Variants in SLC24A2 observed in about 807,000 individuals in gnomAD.
SLC24A2 encodes the protein sodium/potassium/calcium exchanger 2.
In SLC24A2, 36 loss-of-function variants were observed where a neutral mutation model predicts 62.0. The observed-to-expected ratio is 0.58, with a 90% CI of 0.44 to 0.77. The LOEUF (loss-of-function observed/expected upper bound fraction) is 0.77. SLC24A2 is among the 30% of genes least tolerant of loss of function. The pLI is 0.00. For missense variants in SLC24A2, 846 were observed against 817.9 expected, an observed-to-expected ratio of 1.03 and a Z score of -0.42; for synonymous variants, 358 against 294.0, an observed-to-expected ratio of 1.22 and a Z score of -2.23.
intron 2 of SLC24A2, among the ~76,000 whole-genome samples, chr9:19,661,230 A>G (rs1489634559): frequency 6.6e-6 from 1 of 151,268 alleles, no homozygotes; most frequent in Non-Finnish European, 1.5e-5. Context: ...CTCATCCGAT[A>G]CAAGTTAATT....
At chr9:19,794,423 A>T in the SLC24A2 span, among the ~76,000 whole-genome samples, 86 of 152,018 alleles carry the variant, frequency 5.7e-4, no homozygotes, top group Admixed American at 3.1e-3. Flanking sequence ...GACACAAAGA[A>T]GGGAACAATA....
the SLC24A2 span, among the ~76,000 whole-genome samples, chr9:19,918,393 CA>C: frequency 2.4e-4 from 33 of 137,584 alleles, no homozygotes; most frequent in Admixed American, 5.1e-4. Context: ...CTGCCTTTAT[CA>C]AAAAAAAAAA....
At chr9:19,776,517 G>A (rs190299918) in intron 2 of SLC24A2, among the ~76,000 whole-genome samples, 51 of 152,292 alleles carry the variant, frequency 3.3e-4, no homozygotes, top group Non-Finnish European at 5.0e-4. Context: ...CACACATGCA[G>A]CTGCCCAGGA....
chr9:19,948,356 T>G, the SLC24A2 span, among the ~76,000 whole-genome samples: 1 of 152,358 alleles, frequency 6.6e-6, no homozygotes, highest in Non-Finnish European at 1.5e-5. Flanking sequence ...TCACATCTAC[T>G]TAGAATGAAT....
chr9:20,091,038 C>A, the SLC24A2 span, among the ~76,000 whole-genome samples: 5 of 151,060 alleles, frequency 3.3e-5, no homozygotes, highest in African/African-American at 1.2e-4. Context: ...GAAAAACACA[C>A]CACAAGAATT....
chr9:20,040,029 T>A, the SLC24A2 span, among the ~76,000 whole-genome samples: 1 of 152,226 alleles, frequency 6.6e-6, no homozygotes, highest in African/African-American at 2.4e-5. Flanking sequence ...CTTTTGATTA[T>A]AAAATAAGGT....
At chr9:20,267,700 G>A in the SLC24A2 span, among the ~76,000 whole-genome samples, 86 of 152,274 alleles carry the variant, frequency 5.6e-4, 1 homozygote, top group African/African-American at 1.9e-3. Flanking sequence ...ATTGTACTTG[G>A]CGTATTGCAG....
At chr9:20,129,579 T>C in the SLC24A2 span, among the ~76,000 whole-genome samples, 8 of 152,106 alleles carry the variant, frequency 5.3e-5, no homozygotes, top group Admixed American at 2.0e-4. Flanking sequence ...ATCCACATAA[T>C]TGAATATTAT....
the SLC24A2 span, among the ~76,000 whole-genome samples, chr9:20,191,823 G>A: frequency 6.6e-6 from 1 of 152,070 alleles, no homozygotes; most frequent in Non-Finnish European, 1.5e-5. Flanking sequence ...GAAAAAAAGA[G>A]TGAGGTTTCC....
the SLC24A2 span, among the ~76,000 whole-genome samples, chr9:20,208,784 A>G: frequency 6.6e-6 from 1 of 152,232 alleles, no homozygotes; most frequent in Admixed American, 6.5e-5. Flanking sequence ...GTGTTACGGG[A>G]AAACCCGTTC....
At chr9:20,136,344 A>G in the SLC24A2 span, among the ~76,000 whole-genome samples, 4,035 of 152,268 alleles carry the variant, frequency 0.026, 78 homozygotes, top group Middle Eastern at 0.099. Flanking sequence ...TTCAAGAAAG[A>G]GGGAAACTGA....
At chr9:20,041,240 G>A in the SLC24A2 span, among the ~76,000 whole-genome samples, 8 of 152,192 alleles carry the variant, frequency 5.3e-5, no homozygotes, top group Non-Finnish European at 1.5e-5. Context: ...CATATACAAA[G>A]CAGCAGCCCC....
At chr9:19,688,555 A>G (rs1819952543) in intron 2 of SLC24A2, among the ~76,000 whole-genome samples, 1 of 147,306 alleles carries the variant, frequency 6.8e-6, no homozygotes, top group South Asian at 2.1e-4. Flanking sequence ...TAAACAAACA[A>G]AGAAAAAGAA....
chr9:19,926,710 T>C, the SLC24A2 span: 1 of 152,356 alleles, frequency 6.6e-6, no homozygotes, highest in Non-Finnish European at 1.5e-5. Flanking sequence ...ACTGCAGACC[T>C]GCCATCTCTC....
chr9:19,580,625 A>G (rs972126789), intron 5 of SLC24A2, among the ~76,000 whole-genome samples: 8 of 152,254 alleles, frequency 5.3e-5, no homozygotes, highest in Non-Finnish European at 1.0e-4. Context: ...TGTGAAGAAC[A>G]GCAAACAAGG....
At chr9:19,731,607 G>C (rs1397845326) in intron 2 of SLC24A2, among the ~76,000 whole-genome samples, 1 of 151,962 alleles carries the variant, frequency 6.6e-6, no homozygotes, top group Non-Finnish European at 1.5e-5. Flanking sequence ...CTATGAGCTA[G>C]AAGAAACCAA....
chr9:19,589,567 C>T (rs1298746434), intron 5 of SLC24A2, among the ~76,000 whole-genome samples: 4 of 151,998 alleles, frequency 2.6e-5, no homozygotes, highest in African/African-American at 4.8e-5. Context: ...GATTTGTAAC[C>T]AAAAGGGAAT....
At chr9:19,590,997 C>G (rs1377367768) in intron 5 of SLC24A2, among the ~76,000 whole-genome samples, 2 of 152,158 alleles carry the variant, frequency 1.3e-5, no homozygotes, top group Non-Finnish European at 2.9e-5. Flanking sequence ...AGACACCATT[C>G]TATCCTAGTT....
chr9:19,952,658 AT>A, the SLC24A2 span, among the ~76,000 whole-genome samples: 33,444 of 130,394 alleles, frequency 0.26, 4,146 homozygotes, highest in South Asian at 0.39. Flanking sequence ...TTTGCCAAGC[AT>A]TTTTTTTTTT....
Sources: gnomAD v4.1 joint callset for allele counts (sites outside exome capture counted in the v4.1 genomes callset) on GRCh38, gnomAD v4.1.1 for gene constraint, MANE v1.5 for transcripts, NCBI Gene and HGNC (gene_info 2026-07-23, HGNC 2026-07-21) for gene names.